Variants in MDFIC observed in about 807,000 individuals in gnomAD.
MDFIC encodes MyoD family inhibitor domain containing.
Under a neutral mutation model 23.2 loss-of-function variants are expected in MDFIC, and 17 were observed. The ratio of observed to expected loss-of-function variants is 0.73; its 90% CI spans 0.50 to 1.10. MDFIC has a LOEUF of 1.10. MDFIC is among the 50% of genes least tolerant of loss of function. The pLI is 0.00. For synonymous variants in MDFIC, 120 were observed against 115.2 expected (o/e 1.04, Z -0.27); for missense variants, 356 against 316.6 (o/e 1.12, Z -0.95).
chr7:114,935,426 A>G (rs1490179239), intron 2 of MDFIC, among the ~76,000 whole-genome samples: 3 of 152,118 alleles, frequency 2.0e-5, no homozygotes, highest in East Asian at 1.9e-4. Flanking sequence ...ATTAAGTTTT[A>G]TGAGGTTTTA....
chr7:114,989,006 A>G (rs1460998818), intron 4 of MDFIC, among the ~76,000 whole-genome samples: 1 of 152,126 alleles, frequency 6.6e-6, no homozygotes, highest in African/African-American at 2.4e-5. Flanking sequence ...GACAATCCCA[A>G]GGAAAGTTCA....
Position 114,979,525 on chromosome 7 carries a change from T to C in MDFIC, c.237T>C (p.Pro79=). ...ELIRTQPQRL[P]QLQTSAQVPS... ...ATTTAGCCCAACCTCAGCGCTTGCC[T>C]CAGCTTCAGACTTCAGCCCAGGTGC... The change falls in exon 4 of 5, where the codon CCT becomes CCC. Residue 79 remains proline, a synonymous_variant. Transcript: ENST00000393486. 6.2e-7 allele frequency: 1 copy of C among 1,611,976 alleles called. No individual in the cohort carries two copies. Among genetic ancestry groups the C allele is most frequent in the Non-Finnish European group, 8.5e-7 (1 of 1,178,556 alleles).
chr7:114,955,960 A>G (rs997408011), intron 3 of MDFIC, among the ~76,000 whole-genome samples: 1 of 152,180 alleles, frequency 6.6e-6, no homozygotes, highest in African/African-American at 2.4e-5. Context: ...AAGTCAAGCA[A>G]CTGACCTGGG....
intron 4 of MDFIC, among the ~76,000 whole-genome samples, chr7:114,993,082 G>T (rs946903628): frequency 6.6e-6 from 1 of 152,180 alleles, no homozygotes; most frequent in African/African-American, 2.4e-5. Flanking sequence ...AGTGTTGGGA[G>T]TGTGTATGTA....
chr7:114,945,248 T>C (rs1478784586), intron 3 of MDFIC, among the ~76,000 whole-genome samples: 2 of 152,232 alleles, frequency 1.3e-5, no homozygotes, highest in East Asian at 3.8e-4. Flanking sequence ...AGGCTGTTTT[T>C]ACTTTTCTTT....
intron 3 of MDFIC, among the ~76,000 whole-genome samples, chr7:114,949,016 C>T (rs1421794964): frequency 3.3e-5 from 5 of 152,082 alleles, no homozygotes; most frequent in African/African-American, 9.7e-5. Context: ...GATTTGTTTT[C>T]GTGAAGATTG....
At chr7:115,011,777 A>G (rs1044796959) in intron 4 of MDFIC, among the ~76,000 whole-genome samples, 4 of 152,208 alleles carry the variant, frequency 2.6e-5, no homozygotes, top group Non-Finnish European at 5.9e-5. Context: ...CTAGTGGTTT[A>G]GTTTGGAATG....
chr7:114,960,353 G>T (rs912327779), intron 3 of MDFIC, among the ~76,000 whole-genome samples: 2 of 152,164 alleles, frequency 1.3e-5, no homozygotes, highest in African/African-American at 4.8e-5. Flanking sequence ...TTTTCAGGCT[G>T]ATCCAGAGAT....
At chr7:114,928,255 TATCTGTAAATTTAAGAAAGC>T (rs942471162) in intron 2 of MDFIC, among the ~76,000 whole-genome samples, 3 of 151,940 alleles carry the variant, frequency 2.0e-5, no homozygotes, top group African/African-American at 7.3e-5. Context: ...AAAGAAGATA[TATCTGTAAATTTAAGAAAGC>T]ATTTGGAGAG....
At chr7:114,974,509 A>G (rs1210005261) in intron 3 of MDFIC, among the ~76,000 whole-genome samples, 1 of 152,038 alleles carries the variant, frequency 6.6e-6, no homozygotes, top group Non-Finnish European at 1.5e-5. Context: ...TGATTTTTTT[A>G]TGTGTACAAC....
chr7:114,923,427 A>C, intron 2 of MDFIC: 4 of 1,531,602 alleles, frequency 2.6e-6, no homozygotes, highest in Non-Finnish European at 3.5e-6. Context: ...CCTAAGACTC[A>C]ATGTGTAGGT....
At chr7:115,000,348 G>A (rs1585120088) in intron 4 of MDFIC, among the ~76,000 whole-genome samples, 2 of 152,090 alleles carry the variant, frequency 1.3e-5, no homozygotes, top group Admixed American at 1.3e-4. Flanking sequence ...ATGTTCATAC[G>A]AGGAAATCAC....
Position 114,963,498 on chromosome 7 carries a change from A to T in MDFIC, c.218-16008A>T, listed in dbSNP as rs150390031. Among the ~76,000 whole-genome samples, 7 of 152,228 alleles carry T rather than the reference A, an allele frequency of 4.6e-5. No homozygotes were observed. The East Asian group carries it at 1.4e-3, about 29-fold the overall frequency. On this transcript the variant is annotated intron_variant, in intron 3 of 4. Transcript: ENST00000393486. ...TGAAATGCCATTCCTTGCTATCCAAACTAAAAAATTTCCCTTGATATTCTC... is the reference window on the plus strand; with the variant it reads ...TGAAATGCCATTCCTTGCTATCCAATCTAAAAAATTTCCCTTGATATTCTC...
chr7:114,956,718 C>G (rs1447217858), intron 3 of MDFIC, among the ~76,000 whole-genome samples: 3 of 152,124 alleles, frequency 2.0e-5, no homozygotes, highest in African/African-American at 7.2e-5. Context: ...AATTTAGAAT[C>G]ATTAGGGGTA....
At chr7:114,979,826 T>C (rs1182902176) in intron 4 of MDFIC, 45 bp downstream of exon 4, 1 of 1,575,014 alleles carries the variant, frequency 6.3e-7, no homozygotes, top group South Asian at 1.1e-5. Context: ...AGATGTAAAA[T>C]AATATTTCCT....
At position 114,938,457 on chromosome 7, in the gene MDFIC, C is replaced by A. The variant is rs1019657864; in HGVS notation, c.95-3818C>A. On this transcript the variant is annotated intron_variant, in intron 2 of 4. Transcript: ENST00000393486. Reference sequence around the variant, plus strand: ...AGTTGTGTAGTACAAGATAAGAGTTCACTTAGAATAGTGCCCCTCAAGTCT... The same window carrying A: ...AGTTGTGTAGTACAAGATAAGAGTTAACTTAGAATAGTGCCCCTCAAGTCT... 3.0e-4 allele frequency among the ~76,000 whole-genome samples: 45 copies of A among 152,120 alleles called. 2 individuals carry two copies. Among genetic ancestry groups the A allele is most frequent in the Admixed American group, 2.7e-3 (42 of 15,284 alleles).
In MDFIC at chr7:114,942,395, G is replaced by T; in HGVS notation, c.215G>T (p.Arg72Ile). The change falls in exon 3 of 5, where the codon AGA becomes ATA. Residue 72 changes from arginine (R) to isoleucine (I), a missense_variant and splice_region_variant. Physicochemically the swap from Arg to Ile is moderately conservative, Grantham distance 97. Coordinates refer to ENST00000393486, the MANE Select transcript of MDFIC (RefSeq NM_001166345.3). ...AATCCTTCGGATGGTGAACTCATTAGAAGTAAGTATTTTTAGAAAAAACTT... is the reference window on the plus strand; with the variant it reads ...AATCCTTCGGATGGTGAACTCATTATAAGTAAGTATTTTTAGAAAAAACTT... ...WGNPSDGELI[R>I]TQPQRLPQLQ... 6.4e-7 allele frequency: 1 copy of T among 1,570,864 alleles called. No homozygotes were observed. The highest frequency in any genetic ancestry group is 1.2e-5 in the South Asian group (1 of 82,886).
At chr7:114,961,972 C>T (rs946225419) in intron 3 of MDFIC, among the ~76,000 whole-genome samples, 2 of 152,088 alleles carry the variant, frequency 1.3e-5, no homozygotes, top group Non-Finnish European at 2.9e-5. Flanking sequence ...TTACTTGTTT[C>T]TCTAGAAAAA....
At chr7:114,929,787 G>GAGGGGTTGTACTAT (rs1792274691) in intron 2 of MDFIC, among the ~76,000 whole-genome samples, 1 of 152,102 alleles carries the variant, frequency 6.6e-6, no homozygotes, top group Non-Finnish European at 1.5e-5. Flanking sequence ...AAAGCCGGAA[G>GAGGGGTTGTACTAT]TTAGAGAGAA....
Sources: gnomAD v4.1 joint callset for allele counts (sites outside exome capture counted in the v4.1 genomes callset) on GRCh38, gnomAD v4.1.1 for gene constraint, MANE v1.5 for transcripts, NCBI Gene and HGNC (gene_info 2026-07-23, HGNC 2026-07-21) for gene names.